The following YWHAB variants were observed in gnomAD, a reference collection of about 807,000 sequenced individuals.
YWHAB encodes tyrosine 3-monooxygenase/tryptophan 5-monooxygenase activation protein beta.
YWHAB carries 2 observed loss-of-function variants against 28.5 expected under a neutral mutation model. The observed-to-expected ratio is 0.07, with a 90% CI of 0.03 to 0.22. The LOEUF (loss-of-function observed/expected upper bound fraction) is 0.22, where lower values mean the gene tolerates loss of function less well. Ranked by LOEUF, YWHAB falls within the 10% of genes least tolerant of loss-of-function variation. YWHAB has a pLI of 1.00. For synonymous variants in YWHAB, 103 were observed against 104.7 expected, an observed-to-expected ratio of 0.98 and a Z score of 0.10; for missense variants, 148 against 297.1, an observed-to-expected ratio of 0.50 and a Z score of 3.69.
At chr20:44,902,826 T>C (rs1601097249) in intron 2 of YWHAB, 1 of 152,684 alleles carries the variant, frequency 6.5e-6, no homozygotes, top group South Asian at 2.1e-4. Flanking sequence ...GGCGTAAGAG[T>C]GTCATGACTA....
Position 44,906,496 on chromosome 20 carries a change from T to C in YWHAB, c.*58T>C. 9.9e-7 allele frequency: 1 copy of C among 1,009,302 alleles called. No homozygotes were observed. 62.5% of individuals were successfully genotyped at this position (1,009,302 alleles called of 1,614,324 possible). A position where few individuals can be genotyped will look rare whatever the true frequency, so the allele number is the denominator to read the frequency against. ...ACTCTGTACCCTCAACATATATCCC[T>C]TGTGCGATAAAAAAAAAAAAAAAAA... On this transcript the variant is annotated 3_prime_UTR_variant, in exon 6 of 6. Transcript: ENST00000353703.
chr20:44,886,089 T>G (rs897979246), intron 1 of YWHAB: 11 of 152,116 alleles, frequency 7.2e-5, no homozygotes, highest in African/African-American at 2.7e-4. Flanking sequence ...CTTTACCTCT[T>G]GGAGAGGCTC....
chr20:44,898,061 C>T (rs1461011488), intron 1 of YWHAB, among the ~76,000 whole-genome samples: 4 of 152,158 alleles, frequency 2.6e-5, no homozygotes, highest in East Asian at 3.8e-4. Context: ...CTGGAAGTAG[C>T]GTCATTTCTA....
In YWHAB at chr20:44,906,516, A is replaced by G; in HGVS notation, c.*78A>G. The G allele has an allele frequency of 8.4e-7, 1 of 1,192,118 alleles. No individual in the cohort carries two copies. The highest frequency in any genetic ancestry group is 1.2e-6 in the Non-Finnish European group (1 of 866,704). The allele number at this position is 1,192,118 out of a possible 1,614,324, so 73.8% of individuals were successfully genotyped here. The stretch of plus-strand genomic sequence containing the variant: ...ATCCCTTGTGCGATAAAAAAAAAAA[A>G]AAAAAAAAAAAGAGAATCGTACGTC... On this transcript the variant is annotated 3_prime_UTR_variant, in exon 6 of 6. Transcript: ENST00000353703.
chr20:44,894,197 TC>T (rs1307293208), intron 1 of YWHAB, among the ~76,000 whole-genome samples: 1 of 152,200 alleles, frequency 6.6e-6, no homozygotes, highest in Non-Finnish European at 1.5e-5. Flanking sequence ...GTCAGTCTCT[TC>T]CTGAAATATG....
At chr20:44,894,075 C>A (rs983397156) in intron 1 of YWHAB, among the ~76,000 whole-genome samples, 1 of 152,170 alleles carries the variant, frequency 6.6e-6, no homozygotes, top group Admixed American at 6.5e-5. Context: ...GCAATCTCTG[C>A]GTTTATCAAC....
rs1015066363 is a variant in YWHAB, at chr20:44,885,773, T to C, written c.-117T>C. 12 of 170,642 alleles carry C rather than the reference T, an allele frequency of 7.0e-5. No homozygotes were observed. The East Asian group carries it at 9.0e-4, about 13-fold the overall frequency. The allele number at this position is 170,642 out of a possible 1,614,324, so 10.6% of individuals were successfully genotyped here. A position where few individuals can be genotyped will look rare whatever the true frequency, so the allele number is the denominator to read the frequency against. On this transcript the variant is annotated 5_prime_UTR_variant, in exon 1 of 6. Transcript: ENST00000353703. ...GGGTAGTCGCCGCCGCCGCCGCCGC[T>C]GCAGCCACTGCAGGCACCGCTGCCG...
At chr20:44,891,141 C>CA (rs1044756251) in intron 1 of YWHAB, among the ~76,000 whole-genome samples, 36 of 151,628 alleles carry the variant, frequency 2.4e-4, no homozygotes, top group African/African-American at 8.0e-4. Flanking sequence ...TTTTTCTTCA[C>CA]AGAGTCTTGC....
intron 1 of YWHAB, among the ~76,000 whole-genome samples, chr20:44,898,505 T>C (rs992068633): frequency 6.7e-6 from 1 of 148,500 alleles, no homozygotes; most frequent in East Asian, 2.0e-4. Context: ...TACTTTCTTG[T>C]TTTTTTTTTC....
chr20:44,905,933 G>A lies in YWHAB; in HGVS notation c.589-68G>A, dbSNP rs990791192. On this transcript the variant is annotated intron_variant, in intron 4 of 5. Coordinates refer to ENST00000353703, the MANE Select transcript of YWHAB (RefSeq NM_139323.4). ...GAAGATAAGTTATATTCACCTAGCG[G>A]GAAAAAAAGTGGGCTAAACTAGCTC... 5.5e-6 allele frequency: 7 copies of A among 1,265,986 alleles called. No homozygotes were observed. In the African/African-American group the frequency reaches 8.9e-5, roughly 16 times the overall value. The allele number at this position is 1,265,986 out of a possible 1,614,324, so 78.4% of individuals were successfully genotyped here.
intron 1 of YWHAB, among the ~76,000 whole-genome samples, chr20:44,888,849 CATTA>C (rs1041140862): frequency 2.6e-5 from 4 of 152,118 alleles, no homozygotes; most frequent in African/African-American, 9.7e-5. Context: ...TGATTGTGAC[CATTA>C]ATTTTTGTTT....
At chr20:44,896,763 T>TG (rs1318807589) in intron 1 of YWHAB, among the ~76,000 whole-genome samples, 1 of 152,240 alleles carries the variant, frequency 6.6e-6, no homozygotes, top group East Asian at 1.9e-4. Context: ...CATTTCTCCT[T>TG]TGCTGCCTTC....
intron 1 of YWHAB, among the ~76,000 whole-genome samples, chr20:44,898,828 G>T (rs150636130): frequency 1.4e-5 from 2 of 147,496 alleles, no homozygotes; most frequent in East Asian, 4.4e-4. Flanking sequence ...TTTAAAAATA[G>T]CAAAGAGGCC....
At position 44,885,732 on chromosome 20, in the gene YWHAB, G is replaced by A. The variant is rs1251738609; in HGVS notation, c.-158G>A. 2 of 177,626 alleles carry A rather than the reference G, an allele frequency of 1.1e-5. No individual in the cohort carries two copies. The highest frequency in any genetic ancestry group is 1.0e-4 in the South Asian group (1 of 9,700). 11.0% of individuals were successfully genotyped at this position (177,626 alleles called of 1,614,324 possible). On this transcript the variant is annotated 5_prime_UTR_variant, in exon 1 of 6. Coordinates refer to ENST00000353703, the MANE Select transcript of YWHAB (RefSeq NM_139323.4). Reference sequence around the variant, plus strand: ...AAGTGGAGCTACCGCCACCGCCGCCGCCGATTCCGGAGCCGGGGTAGTCGC... The same window carrying A: ...AAGTGGAGCTACCGCCACCGCCGCCACCGATTCCGGAGCCGGGGTAGTCGC...
chr20:44,896,765 G>A (rs1402622513), intron 1 of YWHAB, among the ~76,000 whole-genome samples: 1 of 152,222 alleles, frequency 6.6e-6, no homozygotes, highest in African/African-American at 2.4e-5. Flanking sequence ...TTTCTCCTTT[G>A]CTGCCTTCCT....
chr20:44,904,837 A>T, intron 3 of YWHAB, 131 bp from the exon 4 acceptor site: 1 of 810,730 alleles, frequency 1.2e-6, no homozygotes, highest in Non-Finnish European at 1.8e-6. Context: ...AATGGCAGAG[A>T]CACTGACACT....
intron 2 of YWHAB, chr20:44,902,404 A>T (rs541656756): frequency 6.6e-6 from 1 of 152,424 alleles, no homozygotes; most frequent in South Asian, 2.1e-4. Context: ...TCTGGCCGCC[A>T]CTTGGGATTG....
In YWHAB at chr20:44,904,096, C is replaced by T. The variant is rs761079143; in HGVS notation, c.404C>T (p.Ala135Val). Reference sequence around the variant, plus strand: ...TATTTTAGGTATCTTTCTGAAGTGGCATCTGGAGACAACAAACAAAGTAAG... The same window carrying T: ...TATTTTAGGTATCTTTCTGAAGTGGTATCTGGAGACAACAAACAAAGTAAG... ...GDYFRYLSEVASGDNKQTTVS... is the reference protein window; with the variant it reads ...GDYFRYLSEVVSGDNKQTTVS... The change falls in exon 3 of 6, where the codon GCA becomes GTA. Residue 135 changes from alanine to valine, a missense_variant. Coordinates refer to ENST00000353703, the MANE Select transcript of YWHAB (RefSeq NM_139323.4). The T allele has an allele frequency of 6.2e-7, 1 of 1,611,952 alleles. No individual in the cohort carries two copies. The highest frequency in any genetic ancestry group is 8.5e-7 in the Non-Finnish European group (1 of 1,179,332).
intron 1 of YWHAB, among the ~76,000 whole-genome samples, chr20:44,892,691 A>G (rs1409586635): frequency 6.6e-6 from 1 of 152,204 alleles, no homozygotes; most frequent in Non-Finnish European, 1.5e-5. Flanking sequence ...CCAGCACTAT[A>G]TGGGCATTTT....
Sources: gnomAD v4.1 joint callset for allele counts (sites outside exome capture counted in the v4.1 genomes callset) on GRCh38, gnomAD v4.1.1 for gene constraint, MANE v1.5 for transcripts, NCBI Gene and HGNC (gene_info 2026-07-23, HGNC 2026-07-21) for gene names.